ADGRF3: variants seen among roughly 807,000 people sequenced by gnomAD.
The protein encoded by ADGRF3 is adhesion G protein-coupled receptor F3.
Under a neutral mutation model 93.2 loss-of-function variants are expected in ADGRF3, and 85 were observed. The ratio of observed to expected loss-of-function variants is 0.91; its 90% confidence interval spans 0.77 to 1.09. ADGRF3 has a LOEUF of 1.09. Ranked by LOEUF, ADGRF3 falls within the 50% of genes least tolerant of loss-of-function variation. The pLI, the probability that ADGRF3 is intolerant of heterozygous loss-of-function variation, is 0.00. For synonymous variants in ADGRF3, 534 were observed against 532.5 expected, an observed-to-expected ratio of 1.00 and a Z score of -0.04; for missense variants, 1,125 against 1,246.2, an observed-to-expected ratio of 0.90 and a Z score of 1.46.
chr2:26,337,684 T>TG (rs978821470), intron 1 of ADGRF3, among the ~76,000 whole-genome samples: 4 of 152,174 alleles, frequency 2.6e-5, no homozygotes, highest in African/African-American at 9.7e-5. Context: ...CGTGAGTAAA[T>TG]GTGAAGAGCT....
chr2:26,312,197 G>T, intron 9 of ADGRF3, 123 bp from the exon 10 acceptor site: 1 of 964,532 alleles, frequency 1.0e-6, no homozygotes, highest in Non-Finnish European at 1.5e-6. Flanking sequence ...CAAGGTTGGA[G>T]AGAAAAGGGA....
intron 1 of ADGRF3, among the ~76,000 whole-genome samples, chr2:26,344,444 G>A (rs1033304201): frequency 1.3e-5 from 2 of 152,086 alleles, no homozygotes; most frequent in African/African-American, 2.4e-5. Context: ...GCGCCTGGCC[G>A]AGACTCTCAT....
intron 7 of ADGRF3, 86 bp from the exon 8 acceptor site, chr2:26,313,659 C>T: frequency 6.4e-7 from 1 of 1,567,690 alleles, no homozygotes; most frequent in Non-Finnish European, 8.7e-7. Context: ...GGCCCCGAAG[C>T]CTGGTCCTGT....
At chr2:26,320,874 T>C (rs1367703526) in intron 1 of ADGRF3, among the ~76,000 whole-genome samples, 1 of 152,182 alleles carries the variant, frequency 6.6e-6, no homozygotes, top group African/African-American at 2.4e-5. Context: ...ATATATGTTA[T>C]ATATATTATG....
At position 26,311,718 on chromosome 2, in the gene ADGRF3, A is replaced by G. The variant is rs1399843536; in HGVS notation, c.1806T>C (p.Tyr602=). 6.2e-7 allele frequency: 1 copy of G among 1,613,504 alleles called. No individual in the cohort carries two copies. The highest frequency in any genetic ancestry group is 1.7e-5 in the Admixed American group (1 of 59,936). The change falls in exon 10 of 14, where the codon TAT becomes TAC. Residue 602 remains tyrosine (Y), a synonymous_variant. Transcript: ENST00000651242. ...RKLDHLLPSN[Y]GQGLGDSLYA... The stretch of plus-strand genomic sequence containing the variant: ...AGAGGGAATCCCCCAGCCCTTGTCC[A>G]TAGTTTGAGGGCAGAAGGTGGTCCA...
At position 26,315,623 on chromosome 2, in the gene ADGRF3, C is replaced by G. The variant is rs1360620462; in HGVS notation, c.617G>C (p.Ser206Thr). ...NLSWFLRHPG[S>T]PSPILLQPGT... The stretch of plus-strand genomic sequence containing the variant: ...TGGCTGCAGGAGGATGGGACTGGGG[C>G]TCCCTGGGTGCCTCAGGAACCAGCT... The change falls in exon 5 of 14, where the codon AGC becomes ACC. Residue 206 changes from serine to threonine, a missense_variant. By Grantham distance (58) the Ser-to-Thr change is moderately conservative. Transcript: ENST00000651242. 1.2e-5 allele frequency: 18 copies of G among 1,551,490 alleles called. No individual in the cohort carries two copies. The highest frequency in any genetic ancestry group is 1.5e-5 in the Non-Finnish European group (17 of 1,146,996).
At chr2:26,335,398 G>T (rs1558400178) in intron 1 of ADGRF3, among the ~76,000 whole-genome samples, 1 of 152,162 alleles carries the variant, frequency 6.6e-6, no homozygotes, top group Admixed American at 6.6e-5. Context: ...CAGTTGCATG[G>T]ACACACACAT....
rs1411694204 is a variant in ADGRF3 at position 26,313,359 on chromosome 2, G to A, written c.1269+18C>T. On this transcript the variant is annotated intron_variant, in intron 8 of 13. Coordinates refer to ENST00000651242, the MANE Select transcript of ADGRF3 (RefSeq NM_001321971.2). ...GGGCCGTGGAGGGGGCACGTGGGCA[G>A]CAGGGTGGAAGCTTCACCTTGGTTC... 2.6e-6 allele frequency: 4 copies of A among 1,555,812 alleles called. No homozygotes were observed. The highest frequency in any genetic ancestry group is 1.7e-6 in the Non-Finnish European group (2 of 1,151,082).
At chr2:26,312,119 C>T (rs776989660) in intron 9 of ADGRF3, 45 bp from the exon 10 acceptor site, 45 of 1,544,368 alleles carry the variant, frequency 2.9e-5, no homozygotes, top group Non-Finnish European at 3.7e-5. Context: ...CTGGCGCCCA[C>T]AGGACTGAGC....
intron 1 of ADGRF3, among the ~76,000 whole-genome samples, chr2:26,334,264 A>C (rs1326168977): frequency 6.8e-6 from 1 of 147,462 alleles, no homozygotes; most frequent in Admixed American, 6.9e-5. Context: ...AGACCAGCTT[A>C]GGCAAGACAG....
chr2:26,314,396 G>A lies in ADGRF3; in HGVS notation c.928+18C>T, dbSNP rs766237561. The stretch of plus-strand genomic sequence containing the variant: ...CCCCTGGTCCCTCTGACCCCTGACT[G>A]CTGGCCCCTTCTCATACCTTTGCTG... On this transcript the variant is annotated intron_variant, in intron 6 of 13. Coordinates refer to ENST00000651242, the MANE Select transcript of ADGRF3 (RefSeq NM_001321971.2). The A allele has an allele frequency of 6.9e-6, 11 of 1,603,802 alleles. No individual in the cohort carries two copies. The Admixed American group carries it at 1.3e-4, about 20-fold the overall frequency.
chr2:26,309,578 T>C lies in ADGRF3; in HGVS notation c.2941A>G (p.Thr981Ala). The C allele has an allele frequency of 6.2e-7, 1 of 1,612,530 alleles. No homozygotes were observed. The change falls in exon 13 of 14, where the codon ACA becomes GCA. Residue 981 changes from threonine (T) to alanine (A), a missense_variant. Thr to Ala is a moderately conservative substitution (Grantham distance 58). Coordinates refer to ENST00000651242, the MANE Select transcript of ADGRF3 (RefSeq NM_001321971.2). ...QAPSSTISLA[T>A]NEGCILEHSK... ...TGTTCCAAGATGCAGCCTTCATTTG[T>C]GGCCTAGGAAGGGGTGGGAAGGCCC...
Position 26,312,051 on chromosome 2 carries a change from C to A in ADGRF3, c.1473G>T (p.Lys491Asn). The A allele has an allele frequency of 6.2e-7, 1 of 1,610,166 alleles. No individual in the cohort carries two copies. Among genetic ancestry groups the A allele is most frequent in the Non-Finnish European group, 8.5e-7 (1 of 1,178,818 alleles). Residue 491 changes from lysine to asparagine, a missense_variant, in exon 10 of 14, where the codon AAG (lysine) becomes AAT (asparagine). By Grantham distance (94) the Lys-to-Asn change is moderately conservative. Coordinates refer to ENST00000651242, the MANE Select transcript of ADGRF3 (RefSeq NM_001321971.2). ...ALKNLLIATD[K>N]VLDMDTRSLW... ...GAGACCTGGTGTCCATATCTAGGAC[C>A]TTGTCTGTGGCAATCAGGAGATTCT...
chr2:26,323,962 C>T (rs1675299694), intron 1 of ADGRF3, among the ~76,000 whole-genome samples: 1 of 151,954 alleles, frequency 6.6e-6, no homozygotes, highest in African/African-American at 2.4e-5. Flanking sequence ...ACTGCTGGAC[C>T]CAGGTGTGGT....
intron 1 of ADGRF3, among the ~76,000 whole-genome samples, chr2:26,335,987 T>C (rs557473484): frequency 6.6e-6 from 1 of 152,332 alleles, no homozygotes; most frequent in South Asian, 2.1e-4. Context: ...TCTTGCTGGG[T>C]ATGAGGCATT....
At chr2:26,317,672 G>T in intron 1 of ADGRF3, 110 bp from the exon 2 acceptor site, 1 of 1,007,350 alleles carries the variant, frequency 9.9e-7, no homozygotes, top group Non-Finnish European at 1.5e-6. Context: ...TCTTCTTTTT[G>T]CCAGGAGTCA....
chr2:26,321,560 G>A (rs1675150653), intron 1 of ADGRF3, among the ~76,000 whole-genome samples: 1 of 152,078 alleles, frequency 6.6e-6, no homozygotes, highest in African/African-American at 2.4e-5. Flanking sequence ...CAGTGCCGAG[G>A]GGAGACTGAG....
rs1367094024 is a variant in ADGRF3 at position 26,308,534 on chromosome 2, A to G, written c.*552T>C. 1 of 152,642 alleles carries G rather than the reference A, an allele frequency of 6.6e-6. No individual in the cohort carries two copies. The highest frequency in any genetic ancestry group is 1.5e-5 in the Non-Finnish European group (1 of 68,382). 9.5% of individuals were successfully genotyped at this position (152,642 alleles called of 1,614,324 possible). ...GATATGGTTAAGAAACTTACATTTT[A>G]TATTGATTTTTTAAAGGTTAAAGAA... On this transcript the variant is annotated 3_prime_UTR_variant, in exon 14 of 14. Coordinates refer to ENST00000651242, the MANE Select transcript of ADGRF3 (RefSeq NM_001321971.2).
intron 2 of ADGRF3, 93 bp downstream of exon 2, chr2:26,317,403 G>T: frequency 8.1e-7 from 1 of 1,229,196 alleles, no homozygotes. Context: ...CTCCCTCGCT[G>T]CACCTGCCCT....
Sources: gnomAD v4.1 joint callset for allele counts (sites outside exome capture counted in the v4.1 genomes callset) on GRCh38, gnomAD v4.1.1 for gene constraint, MANE v1.5 for transcripts, NCBI Gene and HGNC (gene_info 2026-07-23, HGNC 2026-07-21) for gene names.